ACBD3: variants seen among roughly 807,000 people sequenced by gnomAD.
The protein encoded by ACBD3 is acyl-CoA binding domain containing 3.
Under a neutral mutation model 66.9 loss-of-function variants are expected in ACBD3, and 30 were observed. The ratio of observed to expected loss-of-function variants is 0.45; its 90% CI spans 0.34 to 0.61. ACBD3 has a LOEUF of 0.61. ACBD3 is among the 20% of genes least tolerant of loss of function. The pLI is 0.02. For synonymous variants in ACBD3, 278 were observed against 259.8 expected, an observed-to-expected ratio of 1.07 and a Z score of -0.68; for missense variants, 544 against 664.5, an observed-to-expected ratio of 0.82 and a Z score of 1.99.
chr1:226,174,767 AAAAC>A (rs1437583861), intron 1 of ACBD3, among the ~76,000 whole-genome samples: 19 of 152,026 alleles, frequency 1.2e-4, no homozygotes, highest in South Asian at 2.1e-4. Flanking sequence ...CTCCGTCTCA[AAAAC>A]AAACAAACAA....
At chr1:226,165,009 T>C in intron 2 of ACBD3, 80 bp from the exon 3 acceptor site, 4 of 1,366,800 alleles carry the variant, frequency 2.9e-6, no homozygotes, top group Non-Finnish European at 3.9e-6. Context: ...ATATGAATAA[T>C]TCTCAATTGT....
intron 1 of ACBD3, among the ~76,000 whole-genome samples, chr1:226,176,898 T>C (rs1482018397): frequency 6.6e-6 from 1 of 152,208 alleles, no homozygotes; most frequent in Non-Finnish European, 1.5e-5. Flanking sequence ...AAAACAGTAT[T>C]TGTTAGTAGA....
At position 226,146,289 on chromosome 1, in the gene ACBD3, C is replaced by T. The variant is rs941374480; in HGVS notation, c.*321G>A. 8.5e-6 allele frequency: 2 copies of T among 236,620 alleles called. No homozygotes were observed. The highest frequency in any genetic ancestry group is 4.6e-5 in the African/African-American group (2 of 43,428). 14.7% of individuals were successfully genotyped at this position (236,620 alleles called of 1,614,324 possible). The stretch of plus-strand genomic sequence containing the variant: ...AGGCAGCAAGGGGCTAACCATCAGC[C>T]GGGTAAGGTCAACGTTGGGGTGTTT... On this transcript the variant is annotated 3_prime_UTR_variant, in exon 8 of 8. Coordinates refer to ENST00000366812, the MANE Select transcript of ACBD3 (RefSeq NM_022735.4).
At chr1:226,154,217 TTTTG>T (rs968087667) in intron 6 of ACBD3, among the ~76,000 whole-genome samples, 6 of 152,150 alleles carry the variant, frequency 3.9e-5, no homozygotes, top group East Asian at 1.9e-4. Context: ...TGTAATTAAT[TTTTG>T]TTTGTTTTTT....
intron 7 of ACBD3, among the ~76,000 whole-genome samples, chr1:226,149,529 C>CTTTTTTT (rs1170130229): frequency 0.083 from 2,446 of 29,608 alleles, 901 homozygotes; most frequent in Non-Finnish European, 0.11. Context: ...GCCCAGCCAT[C>CTTTTTTT]TTTTTTTTTT....
intron 5 of ACBD3, among the ~76,000 whole-genome samples, chr1:226,157,617 A>G (rs1659700675): frequency 6.6e-6 from 1 of 151,870 alleles, no homozygotes; most frequent in Non-Finnish European, 1.5e-5. Flanking sequence ...ACAGCTCACT[A>G]TAGCCTCAAA....
intron 4 of ACBD3, among the ~76,000 whole-genome samples, 193 bp downstream of exon 4, chr1:226,161,338 C>T (rs1489991071): frequency 6.6e-6 from 1 of 152,106 alleles, no homozygotes; most frequent in African/African-American, 2.4e-5. Flanking sequence ...CAGGGTTTCA[C>T]TGTGTTAGCC....
At chr1:226,156,157 A>C (rs1490766455) in intron 5 of ACBD3, among the ~76,000 whole-genome samples, 3 of 152,244 alleles carry the variant, frequency 2.0e-5, no homozygotes, top group Non-Finnish European at 4.4e-5. Flanking sequence ...TGCATCCAGA[A>C]TATTCCCTGG....
intron 2 of ACBD3, among the ~76,000 whole-genome samples, chr1:226,165,398 T>G (rs1008479522): frequency 6.6e-6 from 1 of 152,168 alleles, no homozygotes; most frequent in Non-Finnish European, 1.5e-5. Flanking sequence ...CTTGAACTCC[T>G]GACCTCAAAT....
intron 1 of ACBD3, among the ~76,000 whole-genome samples, chr1:226,172,855 T>C (rs980300955): frequency 6.6e-6 from 1 of 152,106 alleles, no homozygotes; most frequent in African/African-American, 2.4e-5. Flanking sequence ...TCCAGGCTTC[T>C]CTGGAGGCTC....
At chr1:226,173,531 C>T (rs549553871) in intron 1 of ACBD3, among the ~76,000 whole-genome samples, 107 of 151,910 alleles carry the variant, frequency 7.0e-4, no homozygotes, top group African/African-American at 2.5e-3. Flanking sequence ...TGTGCTAACC[C>T]CAACCACTTT....
chr1:226,147,258 G>C (rs1004399548), intron 7 of ACBD3, among the ~76,000 whole-genome samples: 25 of 152,176 alleles, frequency 1.6e-4, no homozygotes, highest in African/African-American at 6.0e-4. Context: ...ATGTGCATGT[G>C]AGCATTTATT....
intron 1 of ACBD3, among the ~76,000 whole-genome samples, chr1:226,173,058 G>A (rs1436774377): frequency 6.6e-6 from 1 of 152,154 alleles, no homozygotes; most frequent in African/African-American, 2.4e-5. Context: ...TTGAGCCCAG[G>A]AGTTTGAGAC....
intron 1 of ACBD3, among the ~76,000 whole-genome samples, chr1:226,178,009 A>C (rs937818749): frequency 6.6e-6 from 1 of 152,094 alleles, no homozygotes. Context: ...AACCTCCCAA[A>C]GTGCTGGGAT....
chr1:226,160,089 C>G (rs761602872), intron 4 of ACBD3, among the ~76,000 whole-genome samples: 17 of 144,760 alleles, frequency 1.2e-4, no homozygotes, highest in Non-Finnish European at 2.6e-4. Context: ...AAACCACATG[C>G]TTCTTCTTTT....
Position 226,146,777 on chromosome 1 carries a change from G to A in ACBD3, c.1420C>T (p.Pro474Ser). ...EEKAKKNANK[P>S]LLDEIVPVYR... ...ACAGGCACAATCTCATCCAGCAAAG[G>A]CTTGTTGGCATTCTTTTTGGCTTTC... The change falls in exon 8 of 8, where the codon CCT becomes TCT. Residue 474 changes from proline to serine, a missense_variant. Coordinates refer to ENST00000366812, the MANE Select transcript of ACBD3 (RefSeq NM_022735.4). The A allele has an allele frequency of 1.2e-6, 2 of 1,614,084 alleles. No individual in the cohort carries two copies. Among genetic ancestry groups the A allele is most frequent in the South Asian group, 1.1e-5 (1 of 91,066 alleles).
chr1:226,157,548 T>G (rs1659699352), intron 5 of ACBD3, among the ~76,000 whole-genome samples: 1 of 152,010 alleles, frequency 6.6e-6, no homozygotes, highest in African/African-American at 2.4e-5. Flanking sequence ...CTATGGCTTT[T>G]TTTTTCCTCG....
intron 1 of ACBD3, among the ~76,000 whole-genome samples, chr1:226,173,047 C>T (rs1234315759): frequency 6.6e-6 from 1 of 152,158 alleles, no homozygotes; most frequent in Non-Finnish European, 1.5e-5. Flanking sequence ...AGGTGGATTG[C>T]TTGAGCCCAG....
At chr1:226,169,024 G>A (rs920377046) in intron 1 of ACBD3, among the ~76,000 whole-genome samples, 9 of 151,962 alleles carry the variant, frequency 5.9e-5, no homozygotes, top group South Asian at 2.1e-4. Flanking sequence ...CACCATACCC[G>A]GCTAGTTTTT....
Sources: allele counts gnomAD v4.1 joint callset (sites outside exome capture counted in the v4.1 genomes callset), GRCh38; gene constraint gnomAD v4.1.1; transcripts MANE v1.5; gene names NCBI Gene and HGNC (gene_info 2026-07-23, HGNC 2026-07-21).